Variants in LPIN2 observed in about 807,000 individuals in gnomAD.
LPIN2 encodes the protein lipin 2, also known as phosphatidate phosphatase LPIN2.
LPIN2 carries 55 observed loss-of-function variants against 111.4 expected under a neutral mutation model. That is an observed-to-expected ratio of 0.49 (90% CI 0.40 to 0.62). The LOEUF is 0.62. Among genes scored for constraint, LPIN2 ranks in the 20% least tolerant of loss-of-function variants. LPIN2 has a pLI of 0.00. For missense variants in LPIN2, 992 were observed against 1,112.1 expected (o/e 0.89, Z 1.54); for synonymous variants, 425 against 414.0 (o/e 1.03, Z -0.32).
intron 4 of LPIN2, among the ~76,000 whole-genome samples, chr18:2,943,429 CGTGTGTGT>C (rs145740705): frequency 0.028 from 4,034 of 142,238 alleles, 182 homozygotes; most frequent in African/African-American, 0.095. Context: ...ATAAAAGCTG[CGTGTGTGT>C]GTGTGTGTGT....
chr18:2,943,200 T>TTTTTG (rs150542718), intron 4 of LPIN2, among the ~76,000 whole-genome samples: 76,599 of 148,062 alleles, frequency 0.52, 19,529 homozygotes, highest in Non-Finnish European at 0.55. Context: ...CTCAGTTTTT[T>TTTTTG]TTCTGTTTTG....
intron 1 of LPIN2, among the ~76,000 whole-genome samples, chr18:2,964,118 C>G (rs2143230445): frequency 6.6e-6 from 1 of 151,266 alleles, no homozygotes; most frequent in African/African-American, 2.4e-5. Flanking sequence ...CCCGTCTTTA[C>G]TAAAAATACA....
chr18:2,938,143 C>A, intron 6 of LPIN2, 106 bp from the exon 7 acceptor site: 1 of 827,470 alleles, frequency 1.2e-6, no homozygotes, highest in Non-Finnish European at 2.0e-6. Context: ...TTAACACATT[C>A]ATTAAGTATC....
chr18:2,971,166 T>C (rs1030477459), intron 1 of LPIN2, among the ~76,000 whole-genome samples: 5 of 152,152 alleles, frequency 3.3e-5, no homozygotes, highest in Non-Finnish European at 7.4e-5. Flanking sequence ...AGCCCAATAA[T>C]TTTCTGGACA....
intron 1 of LPIN2, among the ~76,000 whole-genome samples, chr18:2,971,048 G>A (rs562536258): frequency 1.8e-3 from 278 of 152,286 alleles, no homozygotes; most frequent in African/African-American, 6.4e-3. Context: ...CTCAACGACA[G>A]TGTCTACTTC....
Position 3,003,714 on chromosome 18 carries a change from C to T in LPIN2, c.-10+9373G>A, listed in dbSNP as rs146373735. On this transcript the variant is annotated intron_variant, in intron 1 of 19. Coordinates refer to ENST00000677752, the MANE Select transcript of LPIN2 (RefSeq NM_001375808.2). ...AATGTACGTCACCTCAGGACCACTA[C>T]TGTACAAACTGATTGTAAAACGTGT... Among the ~76,000 whole-genome samples the T allele has an allele frequency of 6.5e-3, 987 of 152,302 alleles. 15 individuals carry two copies. Among genetic ancestry groups the T allele is most frequent in the African/African-American group, 0.022 (923 of 41,554 alleles).
intron 18 of LPIN2, 173 bp downstream of exon 18, chr18:2,921,360 C>T (rs1202475866): frequency 1.5e-6 from 1 of 659,674 alleles, no homozygotes; most frequent in East Asian, 2.7e-5. Context: ...CCTGCAGGAC[C>T]TCCCCAGTTG....
chr18:2,926,720 C>T lies in LPIN2; in HGVS notation c.1793+3G>A. ...TGAGCCGGGCAGAGGACAGGGCACC[C>T]ACCTGGCACCGGCCGGCTCCTTGGA... On this transcript the variant is annotated splice_donor_region_variant and intron_variant, in intron 13 of 19. Transcript: ENST00000677752. The T allele has an allele frequency of 6.2e-7, 1 of 1,611,836 alleles. No homozygotes were observed. Among genetic ancestry groups the T allele is most frequent in the East Asian group, 2.2e-5 (1 of 44,872 alleles).
At position 2,920,329 on chromosome 18, in the gene LPIN2, G is replaced by A; in HGVS notation, c.2655C>T (p.Asp885=). ...CATCCAGGTCCACTTCAGGGATCGGGTCTCGCCAGTAGCAGAAGGAGCTGA... is the reference window on the plus strand; with the variant it reads ...CATCCAGGTCCACTTCAGGGATCGGATCTCGCCAGTAGCAGAAGGAGCTGA... ...PEFSSFCYWR[D]PIPEVDLDDL... is the part of the protein sequence containing the mutation. Residue 885 remains aspartate, a synonymous_variant, in exon 20 of 20, where the codon GAC becomes GAT. Transcript: ENST00000677752. The A allele has an allele frequency of 1.9e-6, 3 of 1,614,184 alleles. No individual in the cohort carries two copies. Among genetic ancestry groups the A allele is most frequent in the South Asian group, 1.1e-5 (1 of 91,090 alleles).
intron 8 of LPIN2, among the ~76,000 whole-genome samples, chr18:2,932,961 A>T (rs1323307395): frequency 6.6e-6 from 1 of 152,224 alleles, no homozygotes; most frequent in East Asian, 1.9e-4. Context: ...CCACCTCTAC[A>T]GCAGCTAGTG....
At chr18:2,952,164 C>A (rs902249181) in intron 3 of LPIN2, among the ~76,000 whole-genome samples, 3 of 152,212 alleles carry the variant, frequency 2.0e-5, no homozygotes, top group Non-Finnish European at 2.9e-5. Flanking sequence ...TGGTGGCTCA[C>A]GCCTGCAATC....
At chr18:2,950,128 TA>T (rs1306206269) in intron 4 of LPIN2, 2 of 152,132 alleles carry the variant, frequency 1.3e-5, no homozygotes, top group Admixed American at 6.5e-5. Flanking sequence ...AAACAAAGCA[TA>T]TTTTTTTCCT....
At chr18:2,928,448 T>C (rs1438251213) in intron 11 of LPIN2, 143 bp downstream of exon 11, 6 of 824,546 alleles carry the variant, frequency 7.3e-6, no homozygotes, top group East Asian at 5.3e-5. Context: ...TGGGTACATA[T>C]GACTTTGATC....
chr18:2,924,288 C>T (rs2077099077), intron 15 of LPIN2, 110 bp downstream of exon 15: 4 of 1,393,324 alleles, frequency 2.9e-6, no homozygotes, highest in Non-Finnish European at 4.1e-6. Context: ...TTATAAAATG[C>T]CTTGGCTGAG....
chr18:2,931,605 A>G (rs1015678693), intron 8 of LPIN2, among the ~76,000 whole-genome samples, 162 bp from the exon 9 acceptor site: 2 of 152,262 alleles, frequency 1.3e-5, no homozygotes, highest in African/African-American at 4.8e-5. Context: ...GTTTAGAATC[A>G]TATCATAAAT....
Position 2,922,095 on chromosome 18 carries a change from CG to C in LPIN2, c.2278del (p.Arg760GlyfsTer4). ...GCTGGGGGACAGCATCAGGGGGCCC[CG>C]GGGCAAGATTGTGCCCTTGTCATTG... ...WVNDKGTILP[R>X]GPLMLSPSSL... is the part of the protein sequence containing the mutation. On this transcript the variant is annotated frameshift_variant, in exon 17 of 20. Transcript: ENST00000677752. LOFTEE classifies it high-confidence loss of function. 6.2e-7 allele frequency: 1 copy of C among 1,613,882 alleles called. No homozygotes were observed. The highest frequency in any genetic ancestry group is 8.5e-7 in the Non-Finnish European group (1 of 1,179,958).
At position 2,922,141 on chromosome 18, in the gene LPIN2, G is replaced by A. The variant is rs755406249; in HGVS notation, c.2233C>T (p.Arg745Cys). The change falls in exon 17 of 20, where the codon CGT becomes TGT. Residue 745 changes from arginine to cysteine, a missense_variant. Coordinates refer to ENST00000677752, the MANE Select transcript of LPIN2 (RefSeq NM_001375808.2). ...ARAIGMADMT[R>C]GYLHWVNDKG... ...TCATTGACCCAGTGCAGGTAGCCACGGGTCATGTCGGCCATGCCGATGGCA... is the reference window on the plus strand; with the variant it reads ...TCATTGACCCAGTGCAGGTAGCCACAGGTCATGTCGGCCATGCCGATGGCA... The A allele has an allele frequency of 9.9e-6, 16 of 1,614,054 alleles. No individual in the cohort carries two copies. The highest frequency in any genetic ancestry group is 2.2e-5 in the East Asian group (1 of 44,888).
chr18:3,012,619 TCACGTGCCCGGCGCCCCCTCC>T (rs1165728881), intron 1 of LPIN2, among the ~76,000 whole-genome samples: 2 of 152,034 alleles, frequency 1.3e-5, no homozygotes, highest in African/African-American at 4.8e-5. Context: ...TCGCCGCAGA[TCACGTGCCCGGCGCCCCCTCC>T]CGCAGGGCCG....
intron 1 of LPIN2, among the ~76,000 whole-genome samples, chr18:2,981,318 T>A (rs1343921958): frequency 6.6e-6 from 1 of 152,200 alleles, no homozygotes; most frequent in East Asian, 1.9e-4. Flanking sequence ...AGATATCAGA[T>A]CCTTATCCCA....
Sources: allele counts gnomAD v4.1 joint callset (sites outside exome capture counted in the v4.1 genomes callset), GRCh38; gene constraint gnomAD v4.1.1; transcripts MANE v1.5; gene names NCBI Gene and HGNC (gene_info 2026-07-23, HGNC 2026-07-21).